The following GOLM1 variants were observed in gnomAD, a reference collection of about 807,000 sequenced individuals.
The protein encoded by GOLM1 is epididymis luminal protein 46.
A neutral mutation model predicts 50.5 loss-of-function variants in GOLM1; 31 were observed. The ratio of observed to expected loss-of-function variants is 0.61; its 90% CI spans 0.46 to 0.83. The LOEUF is 0.83. Among genes scored for constraint, GOLM1 ranks in the 40% least tolerant of loss-of-function variants. The pLI is 0.00. For missense variants in GOLM1, 491 were observed against 501.3 expected, an observed-to-expected ratio of 0.98 and a Z score of 0.20; for synonymous variants, 178 against 192.8, an observed-to-expected ratio of 0.92 and a Z score of 0.64.
chr9:86,030,816 ATTT>A (rs890628721), intron 9 of GOLM1, among the ~76,000 whole-genome samples: 1 of 152,246 alleles, frequency 6.6e-6, no homozygotes, highest in Non-Finnish European at 1.5e-5. Flanking sequence ...GTATACAGAA[ATTT>A]TTTGCTTTTT....
rs977911097 is a variant in GOLM1 at position 86,026,966 on chromosome 9, A to T, written c.*851T>A. Reference sequence around the variant, plus strand: ...AGTAGGCACAGATCTGTCCACAACAAACTTGCCCTCTCATGCCTTGCCTCT... The same window carrying T: ...AGTAGGCACAGATCTGTCCACAACATACTTGCCCTCTCATGCCTTGCCTCT... On this transcript the variant is annotated 3_prime_UTR_variant, in exon 10 of 10. Coordinates refer to ENST00000388712, the MANE Select transcript of GOLM1 (RefSeq NM_016548.4). 1.4e-5 allele frequency: 14 copies of T among 985,206 alleles called. No homozygotes were observed. The African/African-American group carries it at 1.9e-4, about 14-fold the overall frequency. The allele number at this position is 985,206 out of a possible 1,614,324, so 61.0% of individuals were successfully genotyped here. A position where few individuals can be genotyped will look rare whatever the true frequency, so the allele number is the denominator to read the frequency against.
chr9:86,098,818 C>T (rs1479219802), intron 1 of GOLM1, among the ~76,000 whole-genome samples: 1 of 152,210 alleles, frequency 6.6e-6, no homozygotes, highest in Non-Finnish European at 1.5e-5. Flanking sequence ...TCCACGAGAA[C>T]GGGATGCAGC....
intron 3 of GOLM1, 105 bp from the exon 4 acceptor site, chr9:86,052,696 C>T (rs1051019715): frequency 2.1e-6 from 2 of 944,420 alleles, no homozygotes; most frequent in African/African-American, 1.7e-5. Context: ...CCCAGCGCTG[C>T]TGTCAGGGAA....
chr9:86,041,941 C>A (rs1226915020), intron 5 of GOLM1, among the ~76,000 whole-genome samples: 1 of 152,144 alleles, frequency 6.6e-6, no homozygotes, highest in Non-Finnish European at 1.5e-5. Flanking sequence ...CACGGTGAAA[C>A]CCTGTCTCTA....
chr9:86,040,331 T>C (rs1833297615), intron 6 of GOLM1, among the ~76,000 whole-genome samples: 1 of 152,174 alleles, frequency 6.6e-6, no homozygotes, highest in South Asian at 2.1e-4. Flanking sequence ...TGGGCTGTGC[T>C]CTGCACAGGA....
At chr9:86,031,455 T>TG (rs1219177377) in intron 9 of GOLM1, among the ~76,000 whole-genome samples, 1 of 141,682 alleles carries the variant, frequency 7.1e-6, no homozygotes, top group Non-Finnish European at 1.5e-5. Flanking sequence ...TGAGGTTTTT[T>TG]TTTTTTTTTT....
At chr9:86,077,664 C>T in intron 2 of GOLM1, 73 bp from the exon 3 acceptor site, 3 of 1,056,966 alleles carry the variant, frequency 2.8e-6, no homozygotes, top group Admixed American at 1.8e-5. Context: ...GCGCCCTCCA[C>T]AAAGACCACC....
rs1385275812 is a variant in GOLM1 at position 86,097,102 on chromosome 9, ATC to A, written c.-22+2307_-22+2308del. Among the ~76,000 whole-genome samples, 3 of 149,472 alleles carry A rather than the reference ATC, an allele frequency of 2.0e-5. No homozygotes were observed. In the East Asian group the frequency reaches 5.9e-4, roughly 29 times the overall value. ...TTTTTTTCCTGAAAGTGTGAGAAATATCTGTGTGAAAGAAAGGAAAGACTCTC... is the reference window on the plus strand; with the variant it reads ...TTTTTTTCCTGAAAGTGTGAGAAATATGTGTGAAAGAAAGGAAAGACTCTC... On this transcript the variant is annotated intron_variant, in intron 1 of 9. Transcript: ENST00000388712.
chr9:86,086,172 C>T (rs866641855), intron 1 of GOLM1, among the ~76,000 whole-genome samples: 8 of 152,152 alleles, frequency 5.3e-5, no homozygotes, highest in African/African-American at 1.4e-4. Context: ...TTCTAACTGG[C>T]GTGAGATGGT....
chr9:86,056,204 A>C (rs889143434), intron 3 of GOLM1, among the ~76,000 whole-genome samples: 11 of 152,282 alleles, frequency 7.2e-5, no homozygotes, highest in Non-Finnish European at 1.3e-4. Context: ...AATTTGAAAT[A>C]TCTAAAGATA....
At chr9:86,072,988 T>TTG (rs1418907652) in intron 3 of GOLM1, among the ~76,000 whole-genome samples, 1 of 152,242 alleles carries the variant, frequency 6.6e-6, no homozygotes, top group African/African-American at 2.4e-5. Context: ...AGATTAGAAT[T>TTG]TGATGGGTCC....
chr9:86,097,307 C>T (rs1047141654), intron 1 of GOLM1, among the ~76,000 whole-genome samples: 1 of 152,124 alleles, frequency 6.6e-6, no homozygotes, highest in Non-Finnish European at 1.5e-5. Context: ...AGCACCATTC[C>T]TTCTGTTCCT....
rs766112636 is a variant in GOLM1 at position 86,060,912 on chromosome 9, A to AAAG, written c.310-8324_310-8322dup. 8.5e-3 allele frequency among the ~76,000 whole-genome samples: 647 copies of AAAG among 76,492 alleles called. 2 individuals are homozygous for AAAG. Among genetic ancestry groups the AAAG allele is most frequent in the African/African-American group, 0.022 (174 of 8,008 alleles). 50.2% of individuals were successfully genotyped at this position (76,492 alleles called of 152,430 possible). The stretch of plus-strand genomic sequence containing the variant: ...AAAAAAAAAAAAAAAAAAAAAAAAA[A>AAAG]AAGAAGAAGAAGAAGAAGTTACACA... On this transcript the variant is annotated intron_variant, in intron 3 of 9. Coordinates refer to ENST00000388712, the MANE Select transcript of GOLM1 (RefSeq NM_016548.4).
At chr9:86,079,619 G>A (rs541081793) in intron 1 of GOLM1, 45 of 296,252 alleles carry the variant, frequency 1.5e-4, no homozygotes, top group African/African-American at 8.0e-4. Flanking sequence ...TCGAGACCTG[G>A]GGCAAGACAT....
chr9:86,049,528 G>T (rs1833666800), intron 4 of GOLM1, among the ~76,000 whole-genome samples: 1 of 152,248 alleles, frequency 6.6e-6, no homozygotes, highest in Admixed American at 6.5e-5. Flanking sequence ...CCATTTGTTT[G>T]TGTCCTCTTT....
intron 1 of GOLM1, among the ~76,000 whole-genome samples, chr9:86,092,721 TAGA>T (rs940520087): frequency 6.6e-6 from 1 of 152,128 alleles, no homozygotes; most frequent in Non-Finnish European, 1.5e-5. Context: ...TCCAGGACTG[TAGA>T]AACCCTTGCT....
At chr9:86,039,754 G>A (rs1376725912) in intron 6 of GOLM1, among the ~76,000 whole-genome samples, 1 of 152,112 alleles carries the variant, frequency 6.6e-6, no homozygotes, top group Non-Finnish European at 1.5e-5. Context: ...GATCACTTGA[G>A]GTCAGCCGTT....
At chr9:86,077,236 A>G (rs140039150) in intron 3 of GOLM1, among the ~76,000 whole-genome samples, 176 bp downstream of exon 3, 1 of 152,226 alleles carries the variant, frequency 6.6e-6, no homozygotes, top group Non-Finnish European at 1.5e-5. Context: ...CCGCAAGCCC[A>G]GCCAGGGACT....
chr9:86,052,702 G>A lies in GOLM1; in HGVS notation c.310-111C>T, dbSNP rs545349213. 12 of 887,202 alleles carry A rather than the reference G, an allele frequency of 1.4e-5. No individual in the cohort carries two copies. In the East Asian group the frequency reaches 2.2e-4, roughly 16 times the overall value. The allele number at this position is 887,202 out of a possible 1,614,324, so 55.0% of individuals were successfully genotyped here. A position where few individuals can be genotyped will look rare whatever the true frequency, so the allele number is the denominator to read the frequency against. ...TGTCCCCAACCCAGCGCTGCTGTCA[G>A]GGAAGGAGCTCGCACTCAGCGCTCA... On this transcript the variant is annotated intron_variant, in intron 3 of 9. Coordinates refer to ENST00000388712, the MANE Select transcript of GOLM1 (RefSeq NM_016548.4).
Sources: gnomAD v4.1 joint callset for allele counts (sites outside exome capture counted in the v4.1 genomes callset) on GRCh38, gnomAD v4.1.1 for gene constraint, MANE v1.5 for transcripts, NCBI Gene and HGNC (gene_info 2026-07-23, HGNC 2026-07-21) for gene names.